The following FAF2 variants were observed in gnomAD, a reference collection of about 807,000 sequenced individuals.
FAF2 encodes Fas associated factor family member 2, also known as FAS-associated factor 2.
A neutral mutation model predicts 62.3 loss-of-function variants in FAF2; 9 were observed. The ratio of observed to expected loss-of-function variants is 0.14; its 90% CI spans 0.09 to 0.25. The LOEUF (loss-of-function observed/expected upper bound fraction) is 0.25, where lower values mean the gene tolerates loss of function less well. Among genes scored for constraint, FAF2 ranks in the 10% least tolerant of loss-of-function variants. The probability of loss-of-function intolerance (pLI) is 1.00; values close to 1 mark genes in which losing one functional copy is unlikely to be tolerated. For synonymous variants in FAF2, 202 were observed against 198.0 expected, an observed-to-expected ratio of 1.02 and a Z score of -0.17; for missense variants, 368 against 556.2, an observed-to-expected ratio of 0.66 and a Z score of 3.40.
chr5:176,491,039 T>C, intron 4 of FAF2, among the ~76,000 whole-genome samples: 1 of 152,218 alleles, frequency 6.6e-6, no homozygotes. Flanking sequence ...CCAAGTAGAA[T>C]TGTATACACA....
chr5:176,509,825 A>G lies in FAF2; in HGVS notation c.*2875A>G, dbSNP rs1755747945. ...ACTGAGAAGGAGCGATAACCCCCAG[A>G]ATGCAAAATCAGGGGCATCATTATC... On this transcript the variant is annotated 3_prime_UTR_variant, in exon 11 of 11. Transcript: ENST00000261942. The G allele has an allele frequency of 6.6e-6, 1 of 152,648 alleles. No homozygotes were observed. Among genetic ancestry groups the G allele is most frequent in the Non-Finnish European group, 1.5e-5 (1 of 68,042 alleles). 9.5% of individuals were successfully genotyped at this position (152,648 alleles called of 1,614,324 possible).
At chr5:176,467,335 T>A (rs1286957859) in intron 1 of FAF2, among the ~76,000 whole-genome samples, 2 of 152,000 alleles carry the variant, frequency 1.3e-5, no homozygotes, top group Non-Finnish European at 2.9e-5. Context: ...TTTTGGTTTT[T>A]TTTGGTTTTT....
chr5:176,455,160 C>T (rs1021509508), intron 1 of FAF2, among the ~76,000 whole-genome samples: 1 of 152,156 alleles, frequency 6.6e-6, no homozygotes, highest in Non-Finnish European at 1.5e-5. Flanking sequence ...CAACATTGTA[C>T]ACTTACTGCT....
chr5:176,458,138 A>G (rs1001659354), intron 1 of FAF2, among the ~76,000 whole-genome samples: 1 of 151,694 alleles, frequency 6.6e-6, no homozygotes, highest in African/African-American at 2.4e-5. Flanking sequence ...CTGGAGTGCA[A>G]TTGTACAGTC....
chr5:176,491,126 G>A (rs1758965075), intron 4 of FAF2, among the ~76,000 whole-genome samples: 1 of 152,186 alleles, frequency 6.6e-6, no homozygotes, highest in Non-Finnish European at 1.5e-5. Context: ...CCTTGTCTGT[G>A]CTGAAAACGT....
intron 1 of FAF2, chr5:176,453,694 C>T (rs1308826996): frequency 6.6e-6 from 1 of 152,112 alleles, no homozygotes; most frequent in African/African-American, 2.4e-5. Context: ...AACTTTTCAA[C>T]AGCTTATGGT....
intron 8 of FAF2, among the ~76,000 whole-genome samples, chr5:176,497,394 A>T (rs1237046957): frequency 6.6e-6 from 1 of 152,170 alleles, no homozygotes; most frequent in African/African-American, 2.4e-5. Context: ...ATTGTTATAA[A>T]TTTTTTTAAT....
intron 1 of FAF2, among the ~76,000 whole-genome samples, chr5:176,449,608 C>T (rs898465753): frequency 1.3e-5 from 2 of 151,764 alleles, no homozygotes; most frequent in Non-Finnish European, 1.5e-5. Context: ...TGAGGATGTT[C>T]GGGAGATCAA....
rs1755715271 is a variant in FAF2, at chr5:176,508,082, C to G, written c.*1132C>G. The G allele has an allele frequency of 6.6e-6, 1 of 152,572 alleles. No individual in the cohort carries two copies. Among genetic ancestry groups the G allele is most frequent in the African/African-American group, 2.4e-5 (1 of 41,420 alleles). The allele number at this position is 152,572 out of a possible 1,614,324, so 9.5% of individuals were successfully genotyped here. On this transcript the variant is annotated 3_prime_UTR_variant, in exon 11 of 11. Transcript: ENST00000261942. ...ATAGAACCAGAGGCCTTGAAGGGAG[C>G]CAAGACAGAACTCCCAGCCTGTGTA...
In FAF2 at chr5:176,493,389, C is replaced by T. The variant is rs529441930; in HGVS notation, c.484-610C>T. On this transcript the variant is annotated intron_variant, in intron 5 of 10. Coordinates refer to ENST00000261942, the MANE Select transcript of FAF2 (RefSeq NM_014613.3). ...TGCTATGATCCTGAGGGTAGACCACCCTTGACCATGTCAGCAGTCGTACAG... is the reference window on the plus strand; with the variant it reads ...TGCTATGATCCTGAGGGTAGACCACTCTTGACCATGTCAGCAGTCGTACAG... Among the ~76,000 whole-genome samples the T allele has an allele frequency of 1.4e-4, 21 of 152,318 alleles. No homozygotes were observed. The South Asian group carries it at 4.1e-3, about 30-fold the overall frequency.
intron 1 of FAF2, among the ~76,000 whole-genome samples, chr5:176,449,734 A>G (rs1758132360): frequency 6.6e-6 from 1 of 152,364 alleles, no homozygotes; most frequent in Non-Finnish European, 1.5e-5. Context: ...TTATTTCCTT[A>G]TATAAAATGT....
chr5:176,479,784 C>T (rs1025198761), intron 2 of FAF2, among the ~76,000 whole-genome samples: 10 of 152,050 alleles, frequency 6.6e-5, no homozygotes, highest in African/African-American at 2.4e-4. Context: ...GCAACCTCTG[C>T]CTCCCAAGTT....
intron 1 of FAF2, among the ~76,000 whole-genome samples, chr5:176,464,525 C>T (rs1387531462): frequency 3.3e-5 from 4 of 119,420 alleles, no homozygotes; most frequent in African/African-American, 9.9e-5. Context: ...CAGGGTCTTG[C>T]TCTGTCACCT....
chr5:176,482,977 G>A (rs1429908215), intron 2 of FAF2, among the ~76,000 whole-genome samples: 7 of 151,980 alleles, frequency 4.6e-5, no homozygotes, highest in African/African-American at 1.4e-4. Context: ...TGATCCGCCC[G>A]CCTCGGCCTC....
intron 1 of FAF2, among the ~76,000 whole-genome samples, chr5:176,449,810 CTTACTA>C (rs1478957360): frequency 6.6e-6 from 1 of 152,208 alleles, no homozygotes; most frequent in Non-Finnish European, 1.5e-5. Flanking sequence ...TAGAATCCCA[CTTACTA>C]TTTCAGATGT....
In FAF2 at chr5:176,508,922, C is replaced by T. The variant is rs1442903472; in HGVS notation, c.*1972C>T. ...GAGGGTATTAAGGACCTTTGTGAGG[C>T]TAGGTACACTGTCCACACCTCTTTG... On this transcript the variant is annotated 3_prime_UTR_variant, in exon 11 of 11. Transcript: ENST00000261942. 4.6e-5 allele frequency: 7 copies of T among 152,176 alleles called. No homozygotes were observed. The highest frequency in any genetic ancestry group is 1.7e-4 in the African/African-American group (7 of 41,448). 9.4% of individuals were successfully genotyped at this position (152,176 alleles called of 1,614,324 possible).
chr5:176,477,090 G>C, intron 1 of FAF2, among the ~76,000 whole-genome samples: 1 of 148,520 alleles, frequency 6.7e-6, no homozygotes, highest in Non-Finnish European at 1.5e-5. Context: ...TTACAGGCGT[G>C]AGCCACCGTG....
At chr5:176,450,089 A>G (rs1291649856) in intron 1 of FAF2, among the ~76,000 whole-genome samples, 1 of 152,214 alleles carries the variant, frequency 6.6e-6, no homozygotes, top group Non-Finnish European at 1.5e-5. Context: ...CTGAGAAAAT[A>G]AATATTTTTT....
At chr5:176,496,968 A>C (rs1026400005) in intron 8 of FAF2, 3 of 184,618 alleles carry the variant, frequency 1.6e-5, no homozygotes, top group African/African-American at 7.0e-5. Context: ...GCAAAGCGAG[A>C]CCCCATCTCT....
Sources: gnomAD v4.1 joint callset for allele counts (sites outside exome capture counted in the v4.1 genomes callset) on GRCh38, gnomAD v4.1.1 for gene constraint, MANE v1.5 for transcripts, NCBI Gene and HGNC (gene_info 2026-07-23, HGNC 2026-07-21) for gene names.